Variants in SVEP1 observed in about 807,000 individuals in gnomAD.
SVEP1 encodes the protein sushi, von Willebrand factor type A, EGF and pentraxin domain-containing protein 1.
In SVEP1, 164 loss-of-function variants were observed where a neutral mutation model predicts 367.3. The ratio of observed to expected loss-of-function variants is 0.45; its 90% CI spans 0.39 to 0.51. SVEP1 has a LOEUF of 0.51. SVEP1 is among the 20% of genes least tolerant of loss of function. The pLI is 0.00. For missense variants in SVEP1, 4,117 were observed against 4,425.3 expected (o/e 0.93, Z 1.98); for synonymous variants, 1,666 against 1,611.6 (o/e 1.03, Z -0.81).
At chr9:110,429,363 T>C in intron 34 of SVEP1, 29 bp from the exon 35 acceptor site, 2 of 1,459,674 alleles carry the variant, frequency 1.4e-6, no homozygotes, top group East Asian at 2.5e-5. Flanking sequence ...AATTACAGGA[T>C]ATAATTTGCT....
intron 37 of SVEP1, 100 bp downstream of exon 37, chr9:110,410,963 T>C: frequency 9.4e-7 from 1 of 1,058,664 alleles, no homozygotes; most frequent in Admixed American, 3.3e-5. Context: ...CATGCCTTAG[T>C]GAACTTGGCA....
At chr9:110,431,700 C>T (rs1828351353) in intron 32 of SVEP1, among the ~76,000 whole-genome samples, 1 of 152,086 alleles carries the variant, frequency 6.6e-6, no homozygotes, top group Admixed American at 6.5e-5. Flanking sequence ...AGTTTTGTTT[C>T]TGAGAAATTG....
At chr9:110,447,434 T>C (rs1828620513) in intron 24 of SVEP1, among the ~76,000 whole-genome samples, 1 of 152,234 alleles carries the variant, frequency 6.6e-6, no homozygotes, top group South Asian at 2.1e-4. Flanking sequence ...TATTCCCATT[T>C]TACAGATAAG....
rs1554710906 is a variant in SVEP1 at position 110,392,133 on chromosome 9, T to TTTTATATATATATATA, written c.9823-2547_9823-2546insTATATATATATATAAA. On this transcript the variant is annotated intron_variant, in intron 40 of 47. Coordinates refer to ENST00000374469, the MANE Select transcript of SVEP1 (RefSeq NM_153366.4). The stretch of plus-strand genomic sequence containing the variant: ...CATTAACTTGTGACCCAATTCCTCA[T>TTTTATATATATATATA]TATATATATATATATATATATCTCT... 2.7e-4 allele frequency among the ~76,000 whole-genome samples: 27 copies of TTTTATATATATATATA among 99,666 alleles called. 2 individuals carry two copies. The highest frequency in any genetic ancestry group is 1.9e-3 in the East Asian group (6 of 3,206). 65.4% of individuals were successfully genotyped at this position (99,666 alleles called of 152,430 possible). A position where few individuals can be genotyped will look rare whatever the true frequency, so the allele number is the denominator to read the frequency against.
At chr9:110,386,865 T>A (rs566522408) in intron 42 of SVEP1, among the ~76,000 whole-genome samples, 41 of 152,394 alleles carry the variant, frequency 2.7e-4, no homozygotes, top group African/African-American at 9.6e-4. Flanking sequence ...TTCATTCGAA[T>A]GGCTATAACT....
intron 1 of SVEP1, among the ~76,000 whole-genome samples, chr9:110,569,886 T>C (rs1296744100): frequency 4.6e-5 from 7 of 152,196 alleles, no homozygotes; most frequent in Non-Finnish European, 1.5e-5. Context: ...AAACTATTAA[T>C]TTCTTGAATG....
At chr9:110,387,026 T>C (rs1827535559) in intron 42 of SVEP1, among the ~76,000 whole-genome samples, 1 of 151,532 alleles carries the variant, frequency 6.6e-6, no homozygotes, top group Non-Finnish European at 1.5e-5. Flanking sequence ...ATGATACATG[T>C]ATGTCAAAAT....
chr9:110,483,623 G>C lies in SVEP1; in HGVS notation c.2001C>G (p.Ala667=). ...PPVQVSEKVH[A]ASWDEPQFSD... is the part of the protein sequence containing the mutation. ...AGAACTGAGGCTCATCCCAGCTTGC[G>C]GCATGTACCTTCTCCGAGACCTGGA... Residue 667 remains alanine, a synonymous_variant, in exon 10 of 48, where the codon GCC becomes GCG. Transcript: ENST00000374469. 1 of 1,612,558 alleles carries C rather than the reference G, an allele frequency of 6.2e-7. No homozygotes were observed. The highest frequency in any genetic ancestry group is 8.5e-7 in the Non-Finnish European group (1 of 1,179,226).
chr9:110,536,598 A>G, intron 3 of SVEP1, among the ~76,000 whole-genome samples: 1 of 152,012 alleles, frequency 6.6e-6, no homozygotes, highest in East Asian at 1.9e-4. Flanking sequence ...TTACTAGGGT[A>G]CATTGCCCCG....
chr9:110,439,116 C>T (rs1158641884), intron 27 of SVEP1, among the ~76,000 whole-genome samples: 1 of 152,100 alleles, frequency 6.6e-6, no homozygotes, highest in Non-Finnish European at 1.5e-5. Context: ...ATGTTGAAGC[C>T]CTAACTCCCA....
chr9:110,566,873 G>A (rs1183661709), intron 1 of SVEP1, among the ~76,000 whole-genome samples: 1 of 152,174 alleles, frequency 6.6e-6, no homozygotes, highest in Non-Finnish European at 1.5e-5. Context: ...GTGCTGTAAA[G>A]TTTACCTCTT....
intron 3 of SVEP1, among the ~76,000 whole-genome samples, chr9:110,528,787 G>A (rs903786116): frequency 2.0e-5 from 3 of 150,874 alleles, no homozygotes; most frequent in African/African-American, 7.3e-5. Context: ...TTATTATTAT[G>A]GCTATGCAGA....
intron 27 of SVEP1, among the ~76,000 whole-genome samples, chr9:110,438,253 C>T (rs1476588225): frequency 3.0e-5 from 4 of 135,412 alleles, no homozygotes; most frequent in Admixed American, 8.8e-5. Flanking sequence ...GTGGTGCGAT[C>T]TCAGCTCAAT....
At chr9:110,446,438 C>T (rs1190247497) in intron 25 of SVEP1, among the ~76,000 whole-genome samples, 1 of 152,182 alleles carries the variant, frequency 6.6e-6, no homozygotes, top group Non-Finnish European at 1.5e-5. Flanking sequence ...CTACTCAAGG[C>T]TCTGGCTTTT....
chr9:110,383,960 A>AG (rs1381098274), intron 43 of SVEP1, among the ~76,000 whole-genome samples: 1 of 74,002 alleles, frequency 1.4e-5, no homozygotes, highest in Non-Finnish European at 3.0e-5. Flanking sequence ...TGGCACCAGC[A>AG]GGGAAAAAAA....
chr9:110,408,385 C>T lies in SVEP1; in HGVS notation c.7215G>A (p.Lys2405=), dbSNP rs1827988394. Residue 2405 remains lysine, a synonymous_variant, in exon 38 of 48, where the codon AAG becomes AAA. Transcript: ENST00000374469. ...GGAAAAACCCACCTACACAAGAATA[C>T]TTGACAGTACTTCCAAAATGAAGAG... The part of the protein sequence containing the change: ...SSALHFGSTV[K]YSCVGGFFLR... 6.2e-7 allele frequency: 1 copy of T among 1,613,806 alleles called. No homozygotes were observed. Among genetic ancestry groups the T allele is most frequent in the African/African-American group, 1.3e-5 (1 of 74,926 alleles).
At chr9:110,458,622 C>G in intron 19 of SVEP1, 60 bp from the exon 20 acceptor site, 1 of 1,458,118 alleles carries the variant, frequency 6.9e-7, no homozygotes, top group Non-Finnish European at 9.4e-7. Context: ...TGGACTATAT[C>G]TAACACTATG....
chr9:110,502,398 G>A (rs1043358898), intron 6 of SVEP1, among the ~76,000 whole-genome samples: 7 of 151,854 alleles, frequency 4.6e-5, no homozygotes, highest in African/African-American at 1.4e-4. Context: ...CACCTTGCCC[G>A]GCCAGAAAAA....
chr9:110,430,075 C>T, intron 33 of SVEP1, 71 bp from the exon 34 acceptor site: 1 of 1,476,576 alleles, frequency 6.8e-7, no homozygotes, highest in Non-Finnish European at 9.2e-7. Flanking sequence ...TTTCAAGGGG[C>T]AGCTCAAGAT....
Sources: gnomAD v4.1 joint callset for allele counts (sites outside exome capture counted in the v4.1 genomes callset) on GRCh38, gnomAD v4.1.1 for gene constraint, MANE v1.5 for transcripts, NCBI Gene and HGNC (gene_info 2026-07-23, HGNC 2026-07-21) for gene names.